Variants in KIRREL3 observed in about 807,000 individuals in gnomAD.
KIRREL3 encodes the protein kin of IRRE-like protein 3.
KIRREL3 carries 36 observed loss-of-function variants against 89.7 expected under a neutral mutation model. The ratio of observed to expected loss-of-function variants is 0.40; its 90% CI spans 0.31 to 0.53. The LOEUF (loss-of-function observed/expected upper bound fraction) is 0.53, where lower values mean the gene tolerates loss of function less well. KIRREL3 is among the 20% of genes least tolerant of loss of function. The pLI is 0.49. For missense variants in KIRREL3, 864 were observed against 1,056.6 expected (o/e 0.82, Z 2.53); for synonymous variants, 445 against 441.4 (o/e 1.01, Z -0.10).
intron 1 of KIRREL3, among the ~76,000 whole-genome samples, chr11:126,817,000 C>T (rs1468310719): frequency 6.6e-6 from 1 of 152,072 alleles, no homozygotes; most frequent in Non-Finnish European, 1.5e-5. Context: ...AAACACGTTA[C>T]TTTAGGGAAG....
At position 126,683,940 on chromosome 11, in the gene KIRREL3, G is replaced by T. The variant is rs1223021084; in HGVS notation, c.56-121028C>A. 6.6e-6 allele frequency among the ~76,000 whole-genome samples: 1 copy of T among 152,260 alleles called. No homozygotes were observed. The highest frequency in any genetic ancestry group is 1.5e-5 in the Non-Finnish European group (1 of 68,050). On this transcript the variant is annotated intron_variant, in intron 1 of 16. Coordinates refer to ENST00000525144, the MANE Select transcript of KIRREL3 (RefSeq NM_032531.4). This position sits in a 1 kb window ranked among gnomAD's most constrained non-coding sequence, Gnocchi z 5.2. The stretch of plus-strand genomic sequence containing the variant: ...GGTCCCCCTTCAGGGACTGTCGTGG[G>T]CTGTGGCCTCAGAGGTCCCTTACAG...
chr11:126,801,734 CA>C (rs1173457454), intron 1 of KIRREL3, among the ~76,000 whole-genome samples: 1 of 152,182 alleles, frequency 6.6e-6, no homozygotes, highest in Non-Finnish European at 1.5e-5. Context: ...CAGTGGACAG[CA>C]TAGCTCCTGG....
In KIRREL3 at chr11:126,719,179, T is replaced by A. The variant is rs766116557; in HGVS notation, c.56-156267A>T. Among the ~76,000 whole-genome samples the A allele has an allele frequency of 1.3e-4, 20 of 152,290 alleles. No individual in the cohort carries two copies. The highest frequency in any genetic ancestry group is 2.6e-4 in the Non-Finnish European group (18 of 68,026). Reference sequence around the variant, plus strand: ...TTCCGACACTCGGTAACCCACTTATTCTGGTTTTGTCTCAAATCTAAAAAT... The same window carrying A: ...TTCCGACACTCGGTAACCCACTTATACTGGTTTTGTCTCAAATCTAAAAAT... On this transcript the variant is annotated intron_variant, in intron 1 of 16. Coordinates refer to ENST00000525144, the MANE Select transcript of KIRREL3 (RefSeq NM_032531.4). The surrounding 1 kb of genome is among the most constrained non-coding windows in gnomAD (Gnocchi z 4.7).
At chr11:126,580,437 G>A (rs1225287242) in intron 1 of KIRREL3, among the ~76,000 whole-genome samples, 13 of 152,148 alleles carry the variant, frequency 8.5e-5, no homozygotes, top group Admixed American at 7.9e-4. Flanking sequence ...GAGGAGGAAT[G>A]GCTTGAGCCA....
In KIRREL3 at chr11:126,917,754, T is replaced by C. The variant is rs150798128; in HGVS notation, c.55+82701A>G. 4.8e-3 allele frequency among the ~76,000 whole-genome samples: 728 copies of C among 152,308 alleles called. 2 individuals are homozygous for C. The highest frequency in any genetic ancestry group is 0.016 in the African/African-American group (669 of 41,566). ...AGTGAGGTGGTTGCCACTATTTCCA[T>C]TGGCAACCAATACTTTTCTGCCACT... On this transcript the variant is annotated intron_variant, in intron 1 of 16. Transcript: ENST00000525144. This position sits in a 1 kb window ranked among gnomAD's most constrained non-coding sequence, Gnocchi z 5.0.
chr11:126,728,049 C>T (rs551414447), intron 1 of KIRREL3, among the ~76,000 whole-genome samples: 96 of 152,238 alleles, frequency 6.3e-4, no homozygotes, highest in Middle Eastern at 3.4e-3. Flanking sequence ...TGGCATGACA[C>T]TGGGACAAAG....
rs1274858349 is a variant in KIRREL3 at position 126,484,333 on chromosome 11, C to G, written c.434-10867G>C. 6.6e-6 allele frequency among the ~76,000 whole-genome samples: 1 copy of G among 152,214 alleles called. No individual in the cohort carries two copies. Among genetic ancestry groups the G allele is most frequent in the African/African-American group, 2.4e-5 (1 of 41,446 alleles). On this transcript the variant is annotated intron_variant, in intron 4 of 16. Transcript: ENST00000525144. The surrounding 1 kb of genome is among the most constrained non-coding windows in gnomAD (Gnocchi z 5.2). ...TACCTTGGATGCAGTCATAAAAAAA[C>G]AGCACCAATAATATGAATAATAGCT...
At chr11:126,573,884 C>G (rs148665210) in intron 1 of KIRREL3, among the ~76,000 whole-genome samples, 75 of 152,248 alleles carry the variant, frequency 4.9e-4, no homozygotes, top group Non-Finnish European at 5.4e-4. Flanking sequence ...GGGGATATCG[C>G]TGGGACAGGG....
chr11:126,959,725 C>T (rs1949027146), intron 1 of KIRREL3, among the ~76,000 whole-genome samples: 1 of 152,150 alleles, frequency 6.6e-6, no homozygotes, highest in Admixed American at 6.5e-5. Context: ...TCCTCCCCTG[C>T]TCCTGATTTC....
At chr11:126,672,801 A>C (rs1946015649) in intron 1 of KIRREL3, among the ~76,000 whole-genome samples, 1 of 152,178 alleles carries the variant, frequency 6.6e-6, no homozygotes, top group Admixed American at 6.5e-5. Flanking sequence ...ATGTCCAGTG[A>C]GTTCCTCCCT....
intron 1 of KIRREL3, among the ~76,000 whole-genome samples, chr11:126,790,295 G>C (rs1417858412): frequency 6.6e-6 from 1 of 152,202 alleles, no homozygotes; most frequent in Admixed American, 6.5e-5. Flanking sequence ...TGGATGAATG[G>C]ATGGATAAAG....
chr11:126,952,650 C>A (rs942615127), intron 1 of KIRREL3, among the ~76,000 whole-genome samples: 1 of 152,136 alleles, frequency 6.6e-6, no homozygotes, highest in Non-Finnish European at 1.5e-5. Flanking sequence ...TTTGCCCATG[C>A]CTATGTCCTG....
chr11:126,857,935 C>G lies in KIRREL3; in HGVS notation c.55+142520G>C, dbSNP rs1214270621. On this transcript the variant is annotated intron_variant, in intron 1 of 16. Coordinates refer to ENST00000525144, the MANE Select transcript of KIRREL3 (RefSeq NM_032531.4). ...CACACCTTGGGGAAATTCACTGTGT[C>G]GTGCCTCAGCCTTGCCCCAGACAGC... is the stretch of plus-strand genomic sequence containing the variant. Among the ~76,000 whole-genome samples, 3 of 152,172 alleles carry G rather than the reference C, an allele frequency of 2.0e-5. No individual in the cohort carries two copies. The East Asian group carries it at 5.8e-4, about 29-fold the overall frequency.
chr11:126,887,910 G>A (rs1415249847), intron 1 of KIRREL3, among the ~76,000 whole-genome samples: 4 of 152,300 alleles, frequency 2.6e-5, no homozygotes, highest in Admixed American at 2.0e-4. Flanking sequence ...GGAGAGAGGG[G>A]GTGGGAACAG....
In KIRREL3 at chr11:126,764,925, G is replaced by A. The variant is rs1372998492; in HGVS notation, c.56-202013C>T. On this transcript the variant is annotated intron_variant, in intron 1 of 16. Coordinates refer to ENST00000525144, the MANE Select transcript of KIRREL3 (RefSeq NM_032531.4). This position sits in a 1 kb window ranked among gnomAD's most constrained non-coding sequence, Gnocchi z 4.2. ...ATGTGTCACTTATGTCAATATCTCA[G>A]CTCTGGTTTTTCAAGTGCAAGGGTT... 6.6e-6 allele frequency among the ~76,000 whole-genome samples: 1 copy of A among 152,138 alleles called. No individual in the cohort carries two copies. Among genetic ancestry groups the A allele is most frequent in the Non-Finnish European group, 1.5e-5 (1 of 68,026 alleles).
intron 2 of KIRREL3, among the ~76,000 whole-genome samples, chr11:126,547,575 G>A (rs1397403390): frequency 6.6e-6 from 1 of 152,168 alleles, no homozygotes; most frequent in Non-Finnish European, 1.5e-5. Context: ...TAGAGCTGAA[G>A]CTCCCCTCCT....
chr11:126,488,792 C>A (rs1276986005), intron 4 of KIRREL3, among the ~76,000 whole-genome samples: 1 of 152,196 alleles, frequency 6.6e-6, no homozygotes, highest in African/African-American at 2.4e-5. Flanking sequence ...AGGGGATCCC[C>A]CCAAAATGAC....
chr11:126,955,527 G>A lies in KIRREL3; in HGVS notation c.55+44928C>T, dbSNP rs758386980. Among the ~76,000 whole-genome samples, 25 of 152,214 alleles carry A rather than the reference G, an allele frequency of 1.6e-4. No individual in the cohort carries two copies. The highest frequency in any genetic ancestry group is 3.1e-4 in the Non-Finnish European group (21 of 68,040). ...GGTGGTCTGATGTGGATTCCAGGGTGAAGGTGGTTTGTCCTCCAGTGTGTG... is the reference window on the plus strand; with the variant it reads ...GGTGGTCTGATGTGGATTCCAGGGTAAAGGTGGTTTGTCCTCCAGTGTGTG... On this transcript the variant is annotated intron_variant, in intron 1 of 16. Transcript: ENST00000525144. This position sits in a 1 kb window ranked among gnomAD's most constrained non-coding sequence, Gnocchi z 4.6.
chr11:126,926,153 G>T (rs1031696528), intron 1 of KIRREL3, among the ~76,000 whole-genome samples: 1 of 152,200 alleles, frequency 6.6e-6, no homozygotes, highest in Non-Finnish European at 1.5e-5. Flanking sequence ...AACGCTGGAG[G>T]TGCACACTGC....
Sources: gnomAD v4.1 joint callset for allele counts (sites outside exome capture counted in the v4.1 genomes callset) on GRCh38, gnomAD v4.1.1 for gene constraint, Gnocchi (gnomAD v3.1) non-coding constraint, MANE v1.5 for transcripts, NCBI Gene and HGNC (gene_info 2026-07-23, HGNC 2026-07-21) for gene names.